Variants in MYOF observed in about 807,000 individuals in gnomAD.
MYOF encodes fer-1-like 3, myoferlin.
Under a neutral mutation model 284.2 loss-of-function variants are expected in MYOF, and 244 were observed. That is an observed-to-expected ratio of 0.86 (90% CI 0.77 to 0.95). The LOEUF (loss-of-function observed/expected upper bound fraction) is 0.95, where lower values mean the gene tolerates loss of function less well. MYOF is among the 40% of genes least tolerant of loss of function. The pLI is 0.00. For synonymous variants in MYOF, 904 were observed against 919.7 expected, an observed-to-expected ratio of 0.98 and a Z score of 0.31; for missense variants, 2,496 against 2,560.6, an observed-to-expected ratio of 0.97 and a Z score of 0.54.
At chr10:93,328,200 C>T (rs139223248) in intron 45 of MYOF, among the ~76,000 whole-genome samples, 183 of 152,284 alleles carry the variant, frequency 1.2e-3, no homozygotes, top group African/African-American at 4.3e-3. Context: ...GGTAACCCTC[C>T]CCCGTGCAAA....
chr10:93,367,550 G>T (rs1259221795), intron 25 of MYOF, among the ~76,000 whole-genome samples: 1 of 152,178 alleles, frequency 6.6e-6, no homozygotes, highest in African/African-American at 2.4e-5. Flanking sequence ...TATCCTAAGG[G>T]ACCTTAAGGC....
At chr10:93,452,916 G>T (rs1327587955) in intron 2 of MYOF, among the ~76,000 whole-genome samples, 1 of 151,750 alleles carries the variant, frequency 6.6e-6, no homozygotes, top group African/African-American at 2.4e-5. Flanking sequence ...ACCTTTCTGA[G>T]ACTCTCATTT....
chr10:93,464,657 A>T (rs565908721), intron 1 of MYOF, among the ~76,000 whole-genome samples: 3 of 152,226 alleles, frequency 2.0e-5, no homozygotes, highest in African/African-American at 7.2e-5. Context: ...TTCAGACGAG[A>T]TATATAATCT....
intron 28 of MYOF, among the ~76,000 whole-genome samples, chr10:93,360,217 C>A (rs1005357759): frequency 2.0e-5 from 3 of 152,166 alleles, no homozygotes; most frequent in African/African-American, 7.2e-5. Flanking sequence ...TTTATGCTTC[C>A]AGTCATTCAT....
Position 93,310,099 on chromosome 10 carries a change from C to T in MYOF, c.6068G>A (p.Arg2023His), listed in dbSNP as rs779713322. 8.1e-6 allele frequency: 13 copies of T among 1,613,964 alleles called. No homozygotes were observed. Among genetic ancestry groups the T allele is most frequent in the Admixed American group, 5.0e-5 (3 of 59,998 alleles). Residue 2023 changes from arginine to histidine, a missense_variant, in exon 53 of 54, where the codon CGC becomes CAC. Transcript: ENST00000359263. ...CKTMKFIVWR[R>H]FKWVIIGLLF... ...CAAGCCGATGATGACCCACTTAAAG[C>T]GGCGCCACACGATGAACTTCATGGT... is the stretch of plus-strand genomic sequence containing the variant.
intron 3 of MYOF, among the ~76,000 whole-genome samples, chr10:93,438,607 C>T (rs1291625720): frequency 6.6e-6 from 1 of 151,948 alleles, no homozygotes; most frequent in Non-Finnish European, 1.5e-5. Context: ...TTCTTAATAC[C>T]CAGGAAGTCC....
chr10:93,404,965 C>T (rs552216177), intron 7 of MYOF, among the ~76,000 whole-genome samples: 2 of 152,232 alleles, frequency 1.3e-5, no homozygotes, highest in African/African-American at 4.8e-5. Flanking sequence ...AATGTTAATC[C>T]TAAAAGATTG....
intron 7 of MYOF, 89 bp downstream of exon 7, chr10:93,408,698 T>G: frequency 6.5e-7 from 1 of 1,546,650 alleles, no homozygotes; most frequent in Non-Finnish European, 8.8e-7. Flanking sequence ...TACTTGGAAC[T>G]CAGTGGTGTC....
intron 1 of MYOF, among the ~76,000 whole-genome samples, chr10:93,461,619 G>C (rs1396801516): frequency 6.6e-6 from 1 of 152,146 alleles, no homozygotes; most frequent in Admixed American, 6.5e-5. Context: ...AGGGTGGGTG[G>C]ATCAGGCATG....
chr10:93,455,919 C>CAG (rs111950848), intron 2 of MYOF, among the ~76,000 whole-genome samples: 2 of 152,012 alleles, frequency 1.3e-5, no homozygotes, highest in Non-Finnish European at 2.9e-5. Flanking sequence ...AAGAGAGAGA[C>CAG]AGAGAGAGAG....
chr10:93,448,274 A>G (rs1017250320), intron 3 of MYOF, among the ~76,000 whole-genome samples: 1 of 151,062 alleles, frequency 6.6e-6, no homozygotes, highest in African/African-American at 2.4e-5. Flanking sequence ...AATTGCAATT[A>G]CTTTTGTGAT....
chr10:93,337,774 G>A, intron 40 of MYOF, 41 bp downstream of exon 40: 2 of 1,547,184 alleles, frequency 1.3e-6, no homozygotes, highest in South Asian at 2.3e-5. Flanking sequence ...CAGTTTCAAA[G>A]GATGTTGATT....
At chr10:93,389,223 A>T in intron 17 of MYOF, 69 bp from the exon 18 acceptor site, 1 of 1,505,176 alleles carries the variant, frequency 6.6e-7, no homozygotes. Flanking sequence ...AATATTAGTT[A>T]TTAGTTAGTT....
Position 93,447,623 on chromosome 10 carries a change from G to T in MYOF, c.236+4427C>A, listed in dbSNP as rs575774928. Reference sequence around the variant, plus strand: ...TAAAACAAATCTAGCCCCTTCCTCGGGGCTGAGAGAATTTTGAGCGCTAGC... The same window carrying T: ...TAAAACAAATCTAGCCCCTTCCTCGTGGCTGAGAGAATTTTGAGCGCTAGC... On this transcript the variant is annotated intron_variant, in intron 3 of 53. Coordinates refer to ENST00000359263, the MANE Select transcript of MYOF (RefSeq NM_013451.4). 6.6e-5 allele frequency among the ~76,000 whole-genome samples: 10 copies of T among 152,250 alleles called. 1 individual carries two copies. The South Asian group carries it at 1.9e-3, about 28-fold the overall frequency.
chr10:93,375,053 G>A, intron 22 of MYOF, 98 bp from the exon 23 acceptor site: 2 of 1,187,638 alleles, frequency 1.7e-6, no homozygotes, highest in Admixed American at 2.5e-5. Flanking sequence ...TTTCCATCTT[G>A]CAAACCACAT....
intron 31 of MYOF, among the ~76,000 whole-genome samples, chr10:93,354,844 A>G (rs1241776990): frequency 5.9e-5 from 9 of 152,320 alleles, no homozygotes; most frequent in Middle Eastern, 3.4e-3. Context: ...CTTCTTCTGT[A>G]TAACGGGAAC....
chr10:93,310,109 C>T lies in MYOF; in HGVS notation c.6058G>A (p.Val2020Met), dbSNP rs1256666017. Residue 2020 changes from valine to methionine, a missense_variant, in exon 53 of 54, where the codon GTG becomes ATG. Coordinates refer to ENST00000359263, the MANE Select transcript of MYOF (RefSeq NM_013451.4). ...ATGACCCACTTAAAGCGGCGCCACA[C>T]GATGAACTTCATGGTCTTGCATGGG... is the stretch of plus-strand genomic sequence containing the variant. ...TNPCKTMKFI[V>M]WRRFKWVIIG... The T allele has an allele frequency of 5.6e-6, 9 of 1,614,026 alleles. No homozygotes were observed. The highest frequency in any genetic ancestry group is 1.3e-5 in the African/African-American group (1 of 74,922).
At chr10:93,388,247 C>T (rs1232105030) in intron 18 of MYOF, among the ~76,000 whole-genome samples, 1 of 152,056 alleles carries the variant, frequency 6.6e-6, no homozygotes, top group Non-Finnish European at 1.5e-5. Flanking sequence ...GGATGGGGCT[C>T]TAAGTCTCCC....
chr10:93,360,227 T>C (rs1845004070), intron 28 of MYOF, among the ~76,000 whole-genome samples: 1 of 152,230 alleles, frequency 6.6e-6, no homozygotes, highest in South Asian at 2.1e-4. Flanking sequence ...CAGTCATTCA[T>C]GGTAACTGAG....
Sources: gnomAD v4.1 joint callset for allele counts (sites outside exome capture counted in the v4.1 genomes callset) on GRCh38, gnomAD v4.1.1 for gene constraint, MANE v1.5 for transcripts, NCBI Gene and HGNC (gene_info 2026-07-23, HGNC 2026-07-21) for gene names.